Variants in TIA1 observed in about 807,000 individuals in gnomAD.
TIA1 encodes the protein TIA1 cytotoxic granule associated RNA binding protein.
TIA1 carries 23 observed loss-of-function variants against 65.9 expected under a neutral mutation model. The observed-to-expected ratio is 0.35, with a 90% CI of 0.25 to 0.49. The LOEUF (loss-of-function observed/expected upper bound fraction) is 0.49, where lower values mean the gene tolerates loss of function less well. Ranked by LOEUF, TIA1 falls within the 20% of genes least tolerant of loss-of-function variation. The pLI is 0.98. For synonymous variants in TIA1, 147 were observed against 149.4 expected (o/e 0.98, Z 0.12); for missense variants, 371 against 477.9 (o/e 0.78, Z 2.09).
rs1676283767 is a variant in TIA1 at position 70,210,757 on chromosome 2, A to T, written c.*1962T>A. Reference sequence around the variant, plus strand: ...AAATAGCTTCCTGATATTTTATTTTAAAATATTTCATTTAAGCTGCTTTTG... The same window carrying T: ...AAATAGCTTCCTGATATTTTATTTTTAAATATTTCATTTAAGCTGCTTTTG... On this transcript the variant is annotated 3_prime_UTR_variant, in exon 13 of 13. Transcript: ENST00000433529. The T allele has an allele frequency of 6.6e-6, 1 of 152,224 alleles. No homozygotes were observed. Among genetic ancestry groups the T allele is most frequent in the Non-Finnish European group, 1.5e-5 (1 of 68,030 alleles). The allele number at this position is 152,224 out of a possible 1,614,324, so 9.4% of individuals were successfully genotyped here.
intron 1 of TIA1, among the ~76,000 whole-genome samples, chr2:70,239,239 C>G (rs888394411): frequency 2.0e-5 from 3 of 152,078 alleles, no homozygotes; most frequent in African/African-American, 7.2e-5. Flanking sequence ...ACTACAGGCA[C>G]CCGCCACCAC....
intron 1 of TIA1, among the ~76,000 whole-genome samples, chr2:70,241,822 T>C (rs568857560): frequency 8.3e-4 from 126 of 152,048 alleles, no homozygotes; most frequent in African/African-American, 2.9e-3. Context: ...TGTGCACCTG[T>C]AGTTCCAGCT....
chr2:70,232,220 AAAAAAG>A (rs1160843963), intron 2 of TIA1, among the ~76,000 whole-genome samples: 42 of 146,822 alleles, frequency 2.9e-4, no homozygotes, highest in Non-Finnish European at 5.4e-4. Context: ...AAAAAAAAAA[AAAAAAG>A]AAAAAAGAAA....
chr2:70,225,321 C>A (rs1683346563), intron 6 of TIA1: 3 of 1,272,238 alleles, frequency 2.4e-6, no homozygotes, highest in Non-Finnish European at 3.1e-6. Flanking sequence ...TAAAAAAGCA[C>A]GCCAACATTT....
rs769568623 is a variant in TIA1, at chr2:70,248,432, G to A, written c.-2C>T. On this transcript the variant is annotated 5_prime_UTR_variant, in exon 1 of 13. Transcript: ENST00000433529. ...AGTCTTGGGCATCTCGTCCTCCATG[G>A]CTGCTGCTGTCGCGGCGGCGCCTCC... 5.0e-6 allele frequency: 8 copies of A among 1,600,786 alleles called. 1 individual carries two copies. In the South Asian group the frequency reaches 8.8e-5, roughly 18 times the overall value.
At chr2:70,248,647 C>G, upstream of TIA1, 1 of 647,310 alleles carries the variant, frequency 1.5e-6, no homozygotes, top group Non-Finnish European at 2.6e-6. Context: ...AGCCTAGGAG[C>G]AGCCAGCAAA....
At chr2:70,214,287 C>A in intron 12 of TIA1, 62 bp downstream of exon 12, 1 of 1,529,148 alleles carries the variant, frequency 6.5e-7, no homozygotes, top group Non-Finnish European at 8.8e-7. Flanking sequence ...AAATTTCTTC[C>A]TACTTAAAAT....
chr2:70,216,281 G>C lies in TIA1; in HGVS notation c.691C>G (p.Arg231Gly), dbSNP rs752346516. 1 of 1,591,170 alleles carries C rather than the reference G, an allele frequency of 6.3e-7. No homozygotes were observed. The highest frequency in any genetic ancestry group is 1.4e-5 in the African/African-American group (1 of 73,434). Residue 231 changes from arginine to glycine, a missense_variant, in exon 10 of 13, where the codon CGT becomes GGT. Physicochemically the swap from Arg to Gly is moderately radical, Grantham distance 125 (BLOSUM62 -2). Transcript: ENST00000433529. ...TGTCCAAATGGTGAAAAAGTCTGAC[G>C]CATTAGTTGTTCTGTTAGACAAAAA... ...VTSGLTEQLM[R>G]QTFSPFGQIM...
intron 1 of TIA1, among the ~76,000 whole-genome samples, chr2:70,241,837 G>T (rs537949968): frequency 1.3e-4 from 20 of 151,878 alleles, no homozygotes; most frequent in African/African-American, 4.8e-4. Context: ...CCAGCTACTT[G>T]GGAAGCTGAA....
intron 7 of TIA1, among the ~76,000 whole-genome samples, chr2:70,219,573 G>C (rs759972414): frequency 7.2e-5 from 11 of 152,084 alleles, no homozygotes; most frequent in Admixed American, 5.9e-4. Context: ...TTGGGCTCAA[G>C]TGATACTCCC....
At chr2:70,219,812 A>G (rs1218040467) in intron 7 of TIA1, among the ~76,000 whole-genome samples, 1 of 150,022 alleles carries the variant, frequency 6.7e-6, no homozygotes, top group Non-Finnish European at 1.5e-5. Flanking sequence ...CCTGGGCTCA[A>G]GCAGTCCTCC....
At position 70,236,160 on chromosome 2, in the gene TIA1, A is replaced by G. The variant is rs139181563; in HGVS notation, c.42T>C (p.Leu14=). The G allele has an allele frequency of 1.1e-5, 17 of 1,610,740 alleles. No individual in the cohort carries two copies. The African/African-American group carries it at 2.3e-4, about 22-fold the overall frequency. The change falls in exon 2 of 13, where the codon CTT becomes CTC. Residue 14 remains leucine, a synonymous_variant. Transcript: ENST00000433529. ...EMPKTLYVGN[L]SRDVTEALIL... ...TTAGAGCTTCTGTCACATCTCTGGA[A>G]AGGTTACCGACGTATCTGAAACACA...
At chr2:70,242,578 C>T (rs1444091834) in intron 1 of TIA1, among the ~76,000 whole-genome samples, 1 of 146,816 alleles carries the variant, frequency 6.8e-6, no homozygotes, top group Non-Finnish European at 1.5e-5. Flanking sequence ...TAGTTTTTTA[C>T]CTAATAATAA....
chr2:70,223,808 G>A (rs1276974366), intron 7 of TIA1, among the ~76,000 whole-genome samples: 1 of 152,082 alleles, frequency 6.6e-6, no homozygotes, highest in East Asian at 1.9e-4. Context: ...TATATTGCCA[G>A]TATTTATCTC....
chr2:70,215,598 C>G (rs112916922), intron 10 of TIA1, 104 bp from the exon 11 acceptor site: 2 of 983,958 alleles, frequency 2.0e-6, no homozygotes, highest in Non-Finnish European at 2.8e-6. Flanking sequence ...AAACAGTTTG[C>G]GTAACATGGC....
chr2:70,224,708 T>C (rs1204847860), intron 6 of TIA1, 79 bp from the exon 7 acceptor site: 1 of 1,556,326 alleles, frequency 6.4e-7, no homozygotes, highest in Non-Finnish European at 8.7e-7. Context: ...ACACAACTCA[T>C]TCTCATGTTT....
Position 70,248,472 on chromosome 2 carries a change from G to T in TIA1, c.-42C>A. The T allele has an allele frequency of 6.2e-7, 1 of 1,600,738 alleles. No homozygotes were observed. The highest frequency in any genetic ancestry group is 8.5e-7 in the Non-Finnish European group (1 of 1,179,934). ...GCGGCGCCTCCAGGTCCAGCTCCCTGCCCTTCACTACCTCCCAAATCGTTT... is the reference window on the plus strand; with the variant it reads ...GCGGCGCCTCCAGGTCCAGCTCCCTTCCCTTCACTACCTCCCAAATCGTTT... On this transcript the variant is annotated 5_prime_UTR_variant, in exon 1 of 13. Coordinates refer to ENST00000433529, the MANE Select transcript of TIA1 (RefSeq NM_022173.4).
intron 1 of TIA1, among the ~76,000 whole-genome samples, chr2:70,242,758 G>A (rs1692468700): frequency 6.6e-6 from 1 of 152,074 alleles, no homozygotes; most frequent in Non-Finnish European, 1.5e-5. Flanking sequence ...CTTGAGCTCT[G>A]CCTCCTGTAA....
chr2:70,217,183 A>G, intron 7 of TIA1, 189 bp from the exon 8 acceptor site: 2 of 435,624 alleles, frequency 4.6e-6, no homozygotes, highest in Non-Finnish European at 7.4e-6. Flanking sequence ...TATTTTATTT[A>G]TTTTTTCAGA....
Sources: gnomAD v4.1 joint callset for allele counts (sites outside exome capture counted in the v4.1 genomes callset) on GRCh38, gnomAD v4.1.1 for gene constraint, MANE v1.5 for transcripts, NCBI Gene and HGNC (gene_info 2026-07-23, HGNC 2026-07-21) for gene names.